SNN: variants seen among roughly 807,000 people sequenced by gnomAD.
The protein encoded by SNN is AG8_1.
In SNN, 5 loss-of-function variants were observed where a neutral mutation model predicts 5.3. The ratio of observed to expected loss-of-function variants is 0.94; its 90% CI spans 0.49 to 1.97. The LOEUF (loss-of-function observed/expected upper bound fraction) is 1.97. Among genes scored for constraint, SNN ranks in the 30% most tolerant of loss-of-function variants. The pLI, the probability that SNN is intolerant of heterozygous loss-of-function variation, is 0.01. For synonymous variants in SNN, 67 were observed against 52.1 expected, an observed-to-expected ratio of 1.29 and a Z score of -1.24; for missense variants, 127 against 121.6, an observed-to-expected ratio of 1.04 and a Z score of -0.21.
chr16:11,669,658 T>C (rs1235184609), intron 1 of SNN, among the ~76,000 whole-genome samples: 2 of 152,180 alleles, frequency 1.3e-5, no homozygotes, highest in Non-Finnish European at 2.9e-5. Flanking sequence ...GCCACCAACT[T>C]TCTCCGGCAT....
In SNN at chr16:11,677,519, C is replaced by G. The variant is rs1364119987; in HGVS notation, c.*1193C>G. ...CCCCTAAGAGCCACCAGACTGCTTC[C>G]TGCCAGCCTGTGCTTGCGGCAGGGA... On this transcript the variant is annotated 3_prime_UTR_variant, in exon 2 of 2. Coordinates refer to ENST00000329565, the MANE Select transcript of SNN (RefSeq NM_003498.6). The surrounding 1 kb of genome is among the most constrained non-coding windows in gnomAD (Gnocchi z 4.2). 6.0e-6 allele frequency: 1 copy of G among 167,054 alleles called. No individual in the cohort carries two copies. Among genetic ancestry groups the G allele is most frequent in the Non-Finnish European group, 1.5e-5 (1 of 68,130 alleles). The allele number at this position is 167,054 out of a possible 1,614,324, so 10.3% of individuals were successfully genotyped here. A position where few individuals can be genotyped will look rare whatever the true frequency, so the allele number is the denominator to read the frequency against.
In SNN at chr16:11,672,031, A is replaced by G. The variant is rs1369227852; in HGVS notation, c.-86+3491A>G. Among the ~76,000 whole-genome samples the G allele has an allele frequency of 6.6e-6, 1 of 152,122 alleles. No individual in the cohort carries two copies. Among genetic ancestry groups the G allele is most frequent in the Non-Finnish European group, 1.5e-5 (1 of 68,010 alleles). On this transcript the variant is annotated intron_variant, in intron 1 of 1. Coordinates refer to ENST00000329565, the MANE Select transcript of SNN (RefSeq NM_003498.6). The surrounding 1 kb of genome is among the most constrained non-coding windows in gnomAD (Gnocchi z 6.0). ...TTTTTTGAGTCTGTTGGGACAGAAC[A>G]TGGGGACCTGTGCTCAGGGTTCTGG...
intron 1 of SNN, 89 bp from the exon 2 acceptor site, chr16:11,675,886 T>G: frequency 4.6e-6 from 3 of 647,544 alleles, no homozygotes; most frequent in Non-Finnish European, 7.6e-6. Flanking sequence ...TTTGTCAGGG[T>G]GAGGGTGGGA....
rs766551066 is a variant in SNN at position 11,676,357 on chromosome 16, C to CA, written c.*32dup. The CA allele has an allele frequency of 1.3e-6, 2 of 1,598,572 alleles. No homozygotes were observed. The highest frequency in any genetic ancestry group is 1.7e-6 in the Non-Finnish European group (2 of 1,169,094). On this transcript the variant is annotated 3_prime_UTR_variant, in exon 2 of 2. Coordinates refer to ENST00000329565, the MANE Select transcript of SNN (RefSeq NM_003498.6). The stretch of plus-strand genomic sequence containing the variant: ...GATGCAAGGCTCCTGGTCCTGTTTG[C>CA]AGCCGGCCAAGAGGCGCTGGGAGGG...
intron 1 of SNN, among the ~76,000 whole-genome samples, chr16:11,669,330 C>A (rs2050251097): frequency 6.6e-6 from 1 of 152,250 alleles, no homozygotes; most frequent in South Asian, 2.1e-4. Flanking sequence ...CCCAGGTCGC[C>A]CAGCCCGCCC....
chr16:11,675,980 C>A lies in SNN; in HGVS notation c.-80C>A. ...CAACCTGCTTTGTCTTTCAGGACTC[C>A]CGTGTCCAGCCTGAGTTCCAGCCTC... is the stretch of plus-strand genomic sequence containing the variant. On this transcript the variant is annotated 5_prime_UTR_variant, in exon 2 of 2. Transcript: ENST00000329565. The A allele has an allele frequency of 6.8e-7, 1 of 1,461,358 alleles. No individual in the cohort carries two copies. The highest frequency in any genetic ancestry group is 9.2e-7 in the Non-Finnish European group (1 of 1,090,916). 90.5% of individuals were successfully genotyped at this position (1,461,358 alleles called of 1,614,324 possible).
chr16:11,669,611 C>T (rs938017480), intron 1 of SNN, among the ~76,000 whole-genome samples: 3 of 152,248 alleles, frequency 2.0e-5, no homozygotes, highest in Non-Finnish European at 4.4e-5. Flanking sequence ...GAGACATCTG[C>T]GTGAGCTGTT....
intron 1 of SNN, among the ~76,000 whole-genome samples, chr16:11,673,774 A>G (rs1420678668): frequency 2.6e-5 from 4 of 152,144 alleles, no homozygotes; most frequent in African/African-American, 9.7e-5. Context: ...GTGGCTGGCG[A>G]GCAGGGCATA....
intron 1 of SNN, among the ~76,000 whole-genome samples, chr16:11,670,079 C>A (rs2050257694): frequency 6.6e-6 from 1 of 152,236 alleles, no homozygotes. Context: ...GACGTCCCGC[C>A]TCGTCCTGGC....
In SNN at chr16:11,671,452, G is replaced by T. The variant is rs2050265488; in HGVS notation, c.-86+2912G>T. On this transcript the variant is annotated intron_variant, in intron 1 of 1. Coordinates refer to ENST00000329565, the MANE Select transcript of SNN (RefSeq NM_003498.6). The surrounding 1 kb of genome is among the most constrained non-coding windows in gnomAD (Gnocchi z 4.7). ...ACTTGGAAGACCCCTTGGCTCTGCT[G>T]GGCTCCCCTCTGGGCTCCCATCCTG... is the stretch of plus-strand genomic sequence containing the variant. Among the ~76,000 whole-genome samples the T allele has an allele frequency of 6.6e-6, 1 of 152,036 alleles. No individual in the cohort carries two copies. Among genetic ancestry groups the T allele is most frequent in the South Asian group, 2.1e-4 (1 of 4,814 alleles).
At chr16:11,674,209 A>G (rs2141939513) in intron 1 of SNN, among the ~76,000 whole-genome samples, 1 of 152,332 alleles carries the variant, frequency 6.6e-6, no homozygotes, top group Admixed American at 6.5e-5. Flanking sequence ...AAAAAGCCAG[A>G]CGTGTCGTTC....
rs900229371 is a variant in SNN, at chr16:11,672,292, C to G, written c.-85-3683C>G. 4.6e-5 allele frequency among the ~76,000 whole-genome samples: 7 copies of G among 152,082 alleles called. No individual in the cohort carries two copies. The highest frequency in any genetic ancestry group is 4.6e-4 in the Admixed American group (7 of 15,266). On this transcript the variant is annotated intron_variant, in intron 1 of 1. Coordinates refer to ENST00000329565, the MANE Select transcript of SNN (RefSeq NM_003498.6). The surrounding 1 kb of genome is among the most constrained non-coding windows in gnomAD (Gnocchi z 6.0). ...CAGCAGCCAGGGGACAGCCCCTGAG[C>G]CTAGAGAAGGGCAGGTAGCAAGGAG...
chr16:11,679,091 A>C lies in SNN; in HGVS notation c.*2765A>C. The C allele has an allele frequency of 1.6e-6, 2 of 1,219,104 alleles. No homozygotes were observed. Among genetic ancestry groups the C allele is most frequent in the East Asian group, 5.1e-5 (2 of 39,250 alleles). The allele number at this position is 1,219,104 out of a possible 1,614,324, so 75.5% of individuals were successfully genotyped here. On this transcript the variant is annotated 3_prime_UTR_variant, in exon 2 of 2. Coordinates refer to ENST00000329565, the MANE Select transcript of SNN (RefSeq NM_003498.6). This position sits in a 1 kb window ranked among gnomAD's most constrained non-coding sequence, Gnocchi z 4.6. ...AATGACATTCAAGCTGATTTTCTAGACCACTGAGAAAATCTTTATTTACAA... is the reference window on the plus strand; with the variant it reads ...AATGACATTCAAGCTGATTTTCTAGCCCACTGAGAAAATCTTTATTTACAA...
chr16:11,676,723 C>G lies in SNN; in HGVS notation c.*397C>G, dbSNP rs756619510. ...GCTGATTTTTAAAAATATCATCTAG[C>G]GCACACGGGACTGGTATTCTGGCTG... On this transcript the variant is annotated 3_prime_UTR_variant, in exon 2 of 2. Coordinates refer to ENST00000329565, the MANE Select transcript of SNN (RefSeq NM_003498.6). 1 of 210,334 alleles carries G rather than the reference C, an allele frequency of 4.8e-6. No individual in the cohort carries two copies. The highest frequency in any genetic ancestry group is 2.3e-5 in the African/African-American group (1 of 43,784). 13.0% of individuals were successfully genotyped at this position (210,334 alleles called of 1,614,324 possible). A position where few individuals can be genotyped will look rare whatever the true frequency, so the allele number is the denominator to read the frequency against.
At chr16:11,673,280 G>T (rs2050277605) in intron 1 of SNN, among the ~76,000 whole-genome samples, 1 of 152,166 alleles carries the variant, frequency 6.6e-6, no homozygotes, top group Non-Finnish European at 1.5e-5. Flanking sequence ...GATGGTGGCA[G>T]GGGAGAGGCC....
chr16:11,679,124 C>T lies in SNN; in HGVS notation c.*2798C>T. On this transcript the variant is annotated 3_prime_UTR_variant, in exon 2 of 2. Transcript: ENST00000329565. The surrounding 1 kb of genome is among the most constrained non-coding windows in gnomAD (Gnocchi z 4.6). ...GAAAATCTTTATTTACAATAAATTT[C>T]AATAAAATTTGCATAAATATATTCC... The T allele has an allele frequency of 1.4e-6, 2 of 1,470,080 alleles. No individual in the cohort carries two copies. The highest frequency in any genetic ancestry group is 1.9e-6 in the Non-Finnish European group (2 of 1,080,812). The allele number at this position is 1,470,080 out of a possible 1,614,324, so 91.1% of individuals were successfully genotyped here.
At position 11,672,001 on chromosome 16, in the gene SNN, C is replaced by T. The variant is rs1312735706; in HGVS notation, c.-86+3461C>T. Reference sequence around the variant, plus strand: ...CTGCAGCCTTCTCCCATGCAGTCTGCCGGCTTTTTTGAGTCTGTTGGGACA... The same window carrying T: ...CTGCAGCCTTCTCCCATGCAGTCTGTCGGCTTTTTTGAGTCTGTTGGGACA... On this transcript the variant is annotated intron_variant, in intron 1 of 1. Coordinates refer to ENST00000329565, the MANE Select transcript of SNN (RefSeq NM_003498.6). This position sits in a 1 kb window ranked among gnomAD's most constrained non-coding sequence, Gnocchi z 6.0. Among the ~76,000 whole-genome samples the T allele has an allele frequency of 6.6e-6, 1 of 152,234 alleles. No individual in the cohort carries two copies. The highest frequency in any genetic ancestry group is 1.5e-5 in the Non-Finnish European group (1 of 68,042).
In SNN at chr16:11,668,621, G is replaced by T. The variant is rs1235834260; in HGVS notation, c.-86+81G>T. ...GGGGCGGGAAGGGGGAGGCCAGGACGAGGAGGGGCGCGCGCGGCGGCGGGG... is the reference window on the plus strand; with the variant it reads ...GGGGCGGGAAGGGGGAGGCCAGGACTAGGAGGGGCGCGCGCGGCGGCGGGG... On this transcript the variant is annotated intron_variant, in intron 1 of 1. Coordinates refer to ENST00000329565, the MANE Select transcript of SNN (RefSeq NM_003498.6). The surrounding 1 kb of genome is among the most constrained non-coding windows in gnomAD (Gnocchi z 6.8). The T allele has an allele frequency of 2.8e-5, 4 of 144,828 alleles. No individual in the cohort carries two copies. The highest frequency in any genetic ancestry group is 7.4e-5 in the African/African-American group (3 of 40,286). 9.0% of individuals were successfully genotyped at this position (144,828 alleles called of 1,614,324 possible). A position where few individuals can be genotyped will look rare whatever the true frequency, so the allele number is the denominator to read the frequency against.
chr16:11,674,095 G>A (rs548001296), intron 1 of SNN, among the ~76,000 whole-genome samples: 1 of 152,352 alleles, frequency 6.6e-6, no homozygotes, highest in East Asian at 1.9e-4. Context: ...TTCTCCTTAA[G>A]GGTGCTGTTC....
Sources: gnomAD v4.1 joint callset for allele counts (sites outside exome capture counted in the v4.1 genomes callset) on GRCh38, gnomAD v4.1.1 for gene constraint, Gnocchi (gnomAD v3.1) non-coding constraint, MANE v1.5 for transcripts, NCBI Gene and HGNC (gene_info 2026-07-23, HGNC 2026-07-21) for gene names.